SLC60A2: variants seen among roughly 807,000 people sequenced by gnomAD.
SLC60A2 encodes the protein solute carrier family 60 member 2, also known as major facilitator superfamily domain containing 4B.
the SLC60A2 span, chr6:111,266,220 A>G: frequency 2.5e-6 from 4 of 1,613,998 alleles, no homozygotes; most frequent in Non-Finnish European, 2.5e-6. Context: ...ATCTGCTGAG[A>G]CATTTCGAAG....
the SLC60A2 span, chr6:111,267,896 C>T: frequency 6.6e-6 from 1 of 152,256 alleles, no homozygotes; most frequent in Admixed American, 6.5e-5. Context: ...TGTAATGACT[C>T]ATTTGATTTC....
At chr6:111,274,852 G>A in the SLC60A2 span, among the ~76,000 whole-genome samples, 1 of 152,058 alleles carries the variant, frequency 6.6e-6, no homozygotes, top group Non-Finnish European at 1.5e-5. Context: ...TCTGTTTTTT[G>A]TGTTATTTTT....
At chr6:111,259,673 G>C in the SLC60A2 span, 1 of 1,590,414 alleles carries the variant, frequency 6.3e-7, no homozygotes, top group African/African-American at 1.4e-5. Flanking sequence ...GTGGGACCGG[G>C]AGCAAGCTGC....
chr6:111,265,398 A>G, the SLC60A2 span: 1 of 985,286 alleles, frequency 1.0e-6, no homozygotes, highest in Admixed American at 6.1e-5. Context: ...CTGGCTATTC[A>G]GGTTCCTGGA....
the SLC60A2 span, chr6:111,266,182 A>G: frequency 6.2e-7 from 1 of 1,612,946 alleles, no homozygotes; most frequent in Non-Finnish European, 8.5e-7. Flanking sequence ...TTTTTAAAGA[A>G]TAGCTCAAAG....
the SLC60A2 span, among the ~76,000 whole-genome samples, chr6:111,272,505 CTG>C: frequency 7.1e-6 from 1 of 139,870 alleles, no homozygotes; most frequent in African/African-American, 2.6e-5. Flanking sequence ...TTCCTTCTAA[CTG>C]TATTTTTTTT....
the SLC60A2 span, chr6:111,266,981 T>A: frequency 6.2e-7 from 1 of 1,614,060 alleles, no homozygotes; most frequent in Non-Finnish European, 8.5e-7. Flanking sequence ...CATCTAGAAG[T>A]AGTCTGACGG....
chr6:111,259,819 G>C, the SLC60A2 span: 1 of 1,169,178 alleles, frequency 8.6e-7, no homozygotes, highest in East Asian at 2.9e-5. Context: ...TACCTAATCT[G>C]ACTGGGCCTC....
At chr6:111,265,782 A>G in the SLC60A2 span, 1 of 987,202 alleles carries the variant, frequency 1.0e-6, no homozygotes, top group African/African-American at 1.6e-5. Flanking sequence ...TGCTATGTAA[A>G]ATAGACTCAC....
At chr6:111,265,899 A>G in the SLC60A2 span, 5 of 1,611,502 alleles carry the variant, frequency 3.1e-6, no homozygotes, top group East Asian at 2.2e-5. Context: ...TATCTTGGCT[A>G]TTTGGGGGGA....
the SLC60A2 span, chr6:111,265,353 G>C: frequency 2.0e-6 from 2 of 985,060 alleles, no homozygotes. Flanking sequence ...ATGCTAAACG[G>C]TGTCCTTGTT....
At chr6:111,270,848 A>C in the SLC60A2 span, 1 of 152,290 alleles carries the variant, frequency 6.6e-6, no homozygotes, top group East Asian at 1.9e-4. Flanking sequence ...GTCTCAAAAA[A>C]AAAAAACAAA....
chr6:111,266,860 G>T, the SLC60A2 span: 1 of 1,613,900 alleles, frequency 6.2e-7, no homozygotes, highest in African/African-American at 1.3e-5. Context: ...TCTAGCTCCG[G>T]GCTAAATGAA....
chr6:111,270,094 C>T, the SLC60A2 span: 8 of 150,168 alleles, frequency 5.3e-5, no homozygotes, highest in African/African-American at 1.3e-4. Context: ...CACTCAGCTT[C>T]GAGAGGCCTC....
chr6:111,269,154 G>A, the SLC60A2 span: 3 of 152,182 alleles, frequency 2.0e-5, no homozygotes, highest in Middle Eastern at 3.4e-3. Context: ...TGGAGATGGC[G>A]GTGGAGAAGT....
chr6:111,263,972 C>G, the SLC60A2 span: 1 of 1,196,578 alleles, frequency 8.4e-7, no homozygotes, highest in South Asian at 1.2e-5. Context: ...AACGTCATCT[C>G]TGGGAGTAGG....
the SLC60A2 span, among the ~76,000 whole-genome samples, chr6:111,279,297 T>C: frequency 1.3e-5 from 2 of 151,684 alleles, no homozygotes; most frequent in Admixed American, 1.3e-4. Context: ...AGTCTCGCTC[T>C]ATTGCCCAGG....
At chr6:111,262,411 A>G in the SLC60A2 span, 8 of 1,612,438 alleles carry the variant, frequency 5.0e-6, no homozygotes, top group Non-Finnish European at 6.8e-6. Context: ...GTCATGAATT[A>G]TTTTTTACTT....
At chr6:111,259,752 C>A in the SLC60A2 span, 1 of 1,564,432 alleles carries the variant, frequency 6.4e-7, no homozygotes, top group East Asian at 2.4e-5. Flanking sequence ...TGCAACACTC[C>A]CAGGCCGGGG....
Sources: allele counts gnomAD v4.1 joint callset (sites outside exome capture counted in the v4.1 genomes callset), GRCh38; gene constraint gnomAD v4.1.1; transcripts MANE v1.5; gene names NCBI Gene and HGNC (gene_info 2026-07-23, HGNC 2026-07-21).